RMDN2: variants seen among roughly 807,000 people sequenced by gnomAD.
RMDN2 encodes regulator of microtubule dynamics protein 2.
Under a neutral mutation model 52.8 loss-of-function variants are expected in RMDN2, and 61 were observed. That is an observed-to-expected ratio of 1.16 (90% CI 0.94 to 1.43). The LOEUF is 1.43. Among genes scored for constraint, RMDN2 ranks in the 40% most tolerant of loss-of-function variants. The pLI, the probability that RMDN2 is intolerant of heterozygous loss-of-function variation, is 0.00. For missense variants in RMDN2, 592 were observed against 475.3 expected, an observed-to-expected ratio of 1.25 and a Z score of -2.28; for synonymous variants, 180 against 153.1, an observed-to-expected ratio of 1.18 and a Z score of -1.30.
intron 7 of RMDN2, among the ~76,000 whole-genome samples, chr2:37,995,586 A>G (rs77307027): frequency 0.13 from 19,742 of 152,224 alleles, 1,482 homozygotes; most frequent in Non-Finnish European, 0.17. Context: ...TAATGGAACA[A>G]GAAAACAAAA....
chr2:38,017,036 G>A, intron 10 of RMDN2, 150 bp from the exon 11 acceptor site: 1 of 379,298 alleles, frequency 2.6e-6, no homozygotes, highest in Non-Finnish European at 4.7e-6. Context: ...CCTGAATTAG[G>A]GAAAGTATTT....
intron 8 of RMDN2, among the ~76,000 whole-genome samples, chr2:38,003,557 T>TAGATAGATAGAG: frequency 6.9e-6 from 1 of 144,276 alleles, no homozygotes; most frequent in African/African-American, 2.6e-5. Context: ...GATAGATAGA[T>TAGATAGATAGAG]AGATAGATAG....
Position 37,931,198 on chromosome 2 carries a change from T to A in RMDN2, c.452+1469T>A, listed in dbSNP as rs534480658. Among the ~76,000 whole-genome samples the A allele has an allele frequency of 7.2e-5, 11 of 152,348 alleles. No individual in the cohort carries two copies. In the South Asian group the frequency reaches 8.3e-4, roughly 11 times the overall value. ...TGGCTCTGCCCTATTTGAAAATTATTGAGAGTCATTGTTCTAGTTCATTTA... is the reference window on the plus strand; with the variant it reads ...TGGCTCTGCCCTATTTGAAAATTATAGAGAGTCATTGTTCTAGTTCATTTA... On this transcript the variant is annotated intron_variant, in intron 2 of 10. Coordinates refer to ENST00000354545, the MANE Select transcript of RMDN2 (RefSeq NM_001170791.3).
intron 2 of RMDN2, among the ~76,000 whole-genome samples, chr2:37,945,673 A>T (rs1280804445): frequency 6.6e-6 from 1 of 152,216 alleles, no homozygotes; most frequent in African/African-American, 2.4e-5. Flanking sequence ...AGTCATCTCC[A>T]TCAATAATTT....
chr2:37,949,747 C>T (rs539054561), intron 2 of RMDN2, among the ~76,000 whole-genome samples: 22 of 152,112 alleles, frequency 1.4e-4, no homozygotes, highest in African/African-American at 3.6e-4. Context: ...GGAAATTGCA[C>T]AGTAAATAAA....
chr2:37,955,784 CTT>C (rs1669376364), intron 2 of RMDN2, among the ~76,000 whole-genome samples: 1 of 152,104 alleles, frequency 6.6e-6, no homozygotes, highest in Admixed American at 6.6e-5. Context: ...AATTAAACCT[CTT>C]TTTTCTTCCC....
chr2:37,949,737 G>A (rs1668554676), intron 2 of RMDN2, among the ~76,000 whole-genome samples: 1 of 152,090 alleles, frequency 6.6e-6, no homozygotes, highest in African/African-American at 2.4e-5. Flanking sequence ...TTTAGGATCA[G>A]GAAATTGCAC....
intron 10 of RMDN2, among the ~76,000 whole-genome samples, chr2:38,037,586 C>G (rs1680669439): frequency 6.6e-6 from 1 of 152,226 alleles, no homozygotes; most frequent in East Asian, 1.9e-4. Flanking sequence ...CTAACACGTG[C>G]TGCACACACA....
At chr2:37,972,455 G>A (rs1671929772) in intron 2 of RMDN2, among the ~76,000 whole-genome samples, 1 of 152,168 alleles carries the variant, frequency 6.6e-6, no homozygotes, top group African/African-American at 2.4e-5. Flanking sequence ...GGAATGCTGT[G>A]AGCAAGCAGG....
chr2:38,047,060 T>C (rs1681318617), intron 10 of RMDN2, among the ~76,000 whole-genome samples: 1 of 151,814 alleles, frequency 6.6e-6, no homozygotes, highest in African/African-American at 2.4e-5. Context: ...GAAACAACTG[T>C]CATTTGAGAA....
intron 8 of RMDN2, among the ~76,000 whole-genome samples, chr2:38,002,456 ATGTGTT>A (rs1404069375): frequency 1.3e-5 from 2 of 151,894 alleles, no homozygotes; most frequent in Non-Finnish European, 2.9e-5. Context: ...TGACATGAAA[ATGTGTT>A]TGTAATATGG....
At chr2:37,952,160 A>G (rs1668909307) in intron 2 of RMDN2, 1 of 1,613,250 alleles carries the variant, frequency 6.2e-7, no homozygotes, top group Non-Finnish European at 8.5e-7. Flanking sequence ...TCTTGTTTCA[A>G]GATGAAGACA....
At chr2:38,007,211 TG>T (rs993009813) in intron 10 of RMDN2, among the ~76,000 whole-genome samples, 31 of 152,352 alleles carry the variant, frequency 2.0e-4, no homozygotes, top group African/African-American at 6.5e-4. Flanking sequence ...AGGATGATGC[TG>T]GCCTCATAAA....
At chr2:38,064,756 G>T (rs1456012197) in intron 10 of RMDN2, among the ~76,000 whole-genome samples, 1 of 149,560 alleles carries the variant, frequency 6.7e-6, no homozygotes, top group East Asian at 1.9e-4. Flanking sequence ...GAAAAATGAG[G>T]GTAGATGTCT....
At position 37,929,282 on chromosome 2, in the gene RMDN2, C is replaced by G; in HGVS notation, c.5C>G (p.Pro2Arg). Reference sequence around the variant, plus strand: ...TTTAGAAACGAAAACCAAGAAATGCCTTATTCCACAAACAAAGAGTTGATA... The same window carrying G: ...TTTAGAAACGAAAACCAAGAAATGCGTTATTCCACAAACAAAGAGTTGATA... M[P>R]YSTNKELILG... is the part of the protein sequence containing the mutation. The change falls in exon 2 of 11, where the codon CCT (proline) becomes CGT (arginine). Residue 2 changes from proline to arginine, a missense_variant. Pro to Arg is a moderately radical substitution (Grantham distance 103). Transcript: ENST00000354545. The G allele has an allele frequency of 6.6e-7, 1 of 1,517,410 alleles. No homozygotes were observed. Among genetic ancestry groups the G allele is most frequent in the East Asian group, 2.5e-5 (1 of 40,452 alleles). 94.0% of individuals were successfully genotyped at this position (1,517,410 alleles called of 1,614,324 possible). A position where few individuals can be genotyped will look rare whatever the true frequency, so the allele number is the denominator to read the frequency against.
At chr2:37,979,663 G>A (rs1305473353) in intron 4 of RMDN2, among the ~76,000 whole-genome samples, 1 of 152,056 alleles carries the variant, frequency 6.6e-6, no homozygotes, top group African/African-American at 2.4e-5. Context: ...GCATCATAAA[G>A]ATCACAAAAT....
rs139966850 is a variant in RMDN2 at position 38,066,349 on chromosome 2, T to C, written c.1714-633T>C. On this transcript the variant is annotated intron_variant, in intron 10 of 10. Coordinates refer to the RMDN2 transcript ENST00000234195. Reference sequence around the variant, plus strand: ...TGCTACAAGCATGAGCTGTTACCCATAGCGTGTCCATACCTATGTAAACTA... The same window carrying C: ...TGCTACAAGCATGAGCTGTTACCCACAGCGTGTCCATACCTATGTAAACTA... 2.0e-3 allele frequency among the ~76,000 whole-genome samples: 302 copies of C among 152,354 alleles called. 2 individuals are homozygous for C. The highest frequency in any genetic ancestry group is 0.014 in the Middle Eastern group (4 of 294).
chr2:38,028,004 T>C (rs1679906969), intron 10 of RMDN2: 1 of 152,232 alleles, frequency 6.6e-6, no homozygotes, highest in Non-Finnish European at 1.5e-5. Context: ...AAGCCACTAA[T>C]TCATTTATTT....
chr2:38,020,738 T>C (rs1679293763), downstream of RMDN2, among the ~76,000 whole-genome samples: 1 of 152,228 alleles, frequency 6.6e-6, no homozygotes, highest in South Asian at 2.1e-4. Context: ...AGGCCTTAGC[T>C]GCCTCCCGGC....
Sources: gnomAD v4.1 joint callset for allele counts (sites outside exome capture counted in the v4.1 genomes callset) on GRCh38, gnomAD v4.1.1 for gene constraint, MANE v1.5 for transcripts, NCBI Gene and HGNC (gene_info 2026-07-23, HGNC 2026-07-21) for gene names.